Variants in RPL31 observed in about 807,000 individuals in gnomAD.
RPL31 encodes large ribosomal subunit protein eL31.
For missense variants in RPL31, 95 were observed against 164.0 expected, an observed-to-expected ratio of 0.58 and a Z score of 2.30; for synonymous variants, 51 against 55.0, an observed-to-expected ratio of 0.93 and a Z score of 0.32.
chr2:101,011,414 T>C (rs760528453), downstream of RPL31: 4 of 1,591,092 alleles, frequency 2.5e-6, no homozygotes, highest in Non-Finnish European at 3.5e-6. Context: ...ACTGCAGTGG[T>C]ATGCAGGGGA....
downstream of RPL31, chr2:101,008,239 C>T (rs1464766962): frequency 6.3e-7 from 1 of 1,586,250 alleles, no homozygotes; most frequent in Admixed American, 1.8e-5. Flanking sequence ...ATGGAACATA[C>T]TGTACAGAGT....
At chr2:101,019,177 C>T (rs2105373092) in exon 5 of RPL31, 1 of 1,190,806 alleles carries the variant, frequency 8.4e-7, no homozygotes, top group South Asian at 1.5e-5. Context: ...CAGGCCTGTT[C>T]TACACGGCCG....
chr2:101,013,414 A>G (rs1226097474), intron 4 of RPL31, among the ~76,000 whole-genome samples: 1 of 152,166 alleles, frequency 6.6e-6, no homozygotes, highest in Non-Finnish European at 1.5e-5. Flanking sequence ...TTTCATTCCT[A>G]TATATATGTA....
At chr2:101,008,287 A>G (rs774471393), downstream of RPL31, 12 of 1,512,254 alleles carry the variant, frequency 7.9e-6, no homozygotes, top group South Asian at 1.5e-4. Context: ...AAATTGAAAT[A>G]AGTCTTAGGT....
chr2:101,019,459 G>A (rs1679891400), exon 5 of RPL31: 1 of 153,942 alleles, frequency 6.5e-6, no homozygotes, highest in African/African-American at 2.4e-5. Flanking sequence ...TCAGGAAAAT[G>A]ATGTTTTAAA....
At chr2:101,016,241 A>G (rs1447224658) in intron 4 of RPL31, among the ~76,000 whole-genome samples, 1 of 152,214 alleles carries the variant, frequency 6.6e-6, no homozygotes, top group African/African-American at 2.4e-5. Context: ...AAAACAAACA[A>G]CGCCATCAAA....
At chr2:101,012,625 C>CAAA (rs71378138) in intron 4 of RPL31, among the ~76,000 whole-genome samples, 94 of 135,204 alleles carry the variant, frequency 7.0e-4, no homozygotes, top group African/African-American at 2.3e-3. Flanking sequence ...TCTGAATATA[C>CAAA]AAAAAAAAAA....
chr2:101,011,415 A>G (rs1313061829), downstream of RPL31: 7 of 1,593,916 alleles, frequency 4.4e-6, no homozygotes, highest in Admixed American at 5.0e-5. Context: ...CTGCAGTGGT[A>G]TGCAGGGGAA....
At chr2:101,015,332 C>T (rs892670785) in intron 4 of RPL31, among the ~76,000 whole-genome samples, 1 of 152,134 alleles carries the variant, frequency 6.6e-6, no homozygotes, top group African/African-American at 2.4e-5. Flanking sequence ...CAGTGAGTAG[C>T]GAGTGAATAT....
chr2:101,011,959 G>A (rs1404157506), downstream of RPL31, among the ~76,000 whole-genome samples: 1 of 152,182 alleles, frequency 6.6e-6, no homozygotes, highest in Non-Finnish European at 1.5e-5. Context: ...TTTCAGGATA[G>A]TATTTCTCTA....
At chr2:101,004,806 A>G (rs1458974236) in intron 3 of RPL31, 1 of 154,192 alleles carries the variant, frequency 6.5e-6, no homozygotes. Flanking sequence ...TCAACAAAAA[A>G]TTGCCTAGCT....
At chr2:101,010,888 A>G (rs570168974), downstream of RPL31, 6 of 1,571,118 alleles carry the variant, frequency 3.8e-6, no homozygotes, top group South Asian at 5.6e-5. Flanking sequence ...TCTCAAAAAA[A>G]AAAAAAAAAG....
Position 101,004,104 on chromosome 2 carries a change from T to G in RPL31, c.108-54T>G, listed in dbSNP as rs1023161185. The G allele has an allele frequency of 2.5e-6, 4 of 1,586,714 alleles. No homozygotes were observed. In the African/African-American group the frequency reaches 5.4e-5, roughly 21 times the overall value. On this transcript the variant is annotated intron_variant, in intron 2 of 4. Coordinates refer to ENST00000264258, the MANE Select transcript of RPL31 (RefSeq NM_000993.5). ...ATCGACATTGAGGATTTCTCACATG[T>G]ACCTAATTTAGTTTTGTGCTCCTTT...
At chr2:101,005,673 C>T in intron 3 of RPL31, 1 of 367,890 alleles carries the variant, frequency 2.7e-6, no homozygotes. Flanking sequence ...AAAAGACTAA[C>T]ACATTTGGAC....
intron 4 of RPL31, among the ~76,000 whole-genome samples, chr2:101,018,831 G>T (rs1402802027): frequency 6.6e-6 from 1 of 152,174 alleles, no homozygotes; most frequent in Non-Finnish European, 1.5e-5. Flanking sequence ...CTCCCAGGAA[G>T]TTCTCCTCTG....
downstream of RPL31, chr2:101,011,414 T>TA: frequency 6.3e-7 from 1 of 1,591,092 alleles, no homozygotes; most frequent in Non-Finnish European, 8.6e-7. Context: ...ACTGCAGTGG[T>TA]ATGCAGGGGA....
At chr2:101,017,610 C>A (rs575529098) in intron 4 of RPL31, among the ~76,000 whole-genome samples, 1 of 152,330 alleles carries the variant, frequency 6.6e-6, no homozygotes, top group South Asian at 2.1e-4. Context: ...ACCATCTAAT[C>A]TGCAGATACC....
downstream of RPL31, among the ~76,000 whole-genome samples, chr2:101,008,975 G>T (rs115562157): frequency 6.6e-6 from 1 of 152,246 alleles, no homozygotes; most frequent in Non-Finnish European, 1.5e-5. Flanking sequence ...AAATGAAATG[G>T]AAGAGTGATG....
In RPL31 at chr2:101,006,399, A is replaced by G. The variant is rs774346484; in HGVS notation, c.*18A>G. The G allele has an allele frequency of 3.1e-6, 5 of 1,607,848 alleles. No homozygotes were observed. The South Asian group carries it at 4.5e-5, about 14-fold the overall frequency. On this transcript the variant is annotated 3_prime_UTR_variant, in exon 5 of 5. Transcript: ENST00000264258. The stretch of plus-strand genomic sequence containing the variant: ...AGAACTAATCGCTGATCGTCAGATC[A>G]AATAAAGTTATAAAATTGCCTTCAT...
Sources: gnomAD v4.1 joint callset for allele counts (sites outside exome capture counted in the v4.1 genomes callset) on GRCh38, gnomAD v4.1.1 for gene constraint, MANE v1.5 for transcripts, NCBI Gene and HGNC (gene_info 2026-07-23, HGNC 2026-07-21) for gene names.